Variants in PLCD1 observed in about 807,000 individuals in gnomAD.
PLCD1 encodes phospholipase C delta 1.
A neutral mutation model predicts 87.4 loss-of-function variants in PLCD1; 71 were observed. The ratio of observed to expected loss-of-function variants is 0.81; its 90% CI spans 0.67 to 0.99. The LOEUF (loss-of-function observed/expected upper bound fraction) is 0.99. Ranked by LOEUF, PLCD1 falls within the 50% of genes least tolerant of loss-of-function variation. The pLI is 0.00. For missense variants in PLCD1, 867 were observed against 1,001.5 expected, an observed-to-expected ratio of 0.87 and a Z score of 1.81; for synonymous variants, 348 against 399.2, an observed-to-expected ratio of 0.87 and a Z score of 1.53.
intron 3 of PLCD1, among the ~76,000 whole-genome samples, chr3:38,013,816 A>C (rs1700118262): frequency 6.6e-6 from 1 of 152,250 alleles, no homozygotes; most frequent in Admixed American, 6.5e-5. Context: ...AAAAGCTCAC[A>C]ATCAGGCAGA....
intron 2 of PLCD1, among the ~76,000 whole-genome samples, chr3:38,016,939 G>A (rs894528640): frequency 6.6e-6 from 1 of 152,162 alleles, no homozygotes; most frequent in African/African-American, 2.4e-5. Flanking sequence ...GGGGGAGACA[G>A]AGCATGAGAC....
At position 38,014,849 on chromosome 3, in the gene PLCD1, T is replaced by C. The variant is rs535999870; in HGVS notation, c.428+1642A>G. On this transcript the variant is annotated intron_variant, in intron 3 of 14. Coordinates refer to ENST00000334661, the MANE Select transcript of PLCD1 (RefSeq NM_006225.4). ...TAGATATTTCTCCAAAGAAGATATA[T>C]AAACGTACATGGAAAAATGCTCAAT... Among the ~76,000 whole-genome samples, 3 of 152,310 alleles carry C rather than the reference T, an allele frequency of 2.0e-5. No individual in the cohort carries two copies. The South Asian group carries it at 6.2e-4, about 32-fold the overall frequency.
Position 38,016,492 on chromosome 3 carries a change from G to A in PLCD1, c.427C>T (p.His143Tyr), listed in dbSNP as rs1427143997. The change falls in exon 3 of 15, where the codon CAC becomes TAC. Residue 143 changes from histidine to tyrosine, a missense_variant and splice_region_variant. Transcript: ENST00000334661. ...GSMDQRQKLQ[H>Y]WIHSCLRKAD... ...GACCCACTGCCACCAAAAGGATACT[G>A]CTGTAGCTTCTGACGCTGGTCCATG... The A allele has an allele frequency of 3.1e-6, 5 of 1,607,006 alleles. 1 individual carries two copies. In the South Asian group the frequency reaches 5.5e-5, roughly 18 times the overall value.
intron 3 of PLCD1, among the ~76,000 whole-genome samples, chr3:38,013,754 G>C (rs988759309): frequency 6.6e-6 from 1 of 152,182 alleles, no homozygotes; most frequent in African/African-American, 2.4e-5. Flanking sequence ...CAAGGTCAAG[G>C]CTCTGCCAAA....
rs989092140 is a variant in PLCD1, at chr3:38,025,855, A to C, written c.34+3651T>G. On this transcript the variant is annotated intron_variant, in intron 1 of 14. Coordinates refer to ENST00000334661, the MANE Select transcript of PLCD1 (RefSeq NM_006225.4). This position sits in a 1 kb window ranked among gnomAD's most constrained non-coding sequence, Gnocchi z 4.0. The stretch of plus-strand genomic sequence containing the variant: ...CTCTCAGCCTCTGAATAGTTCCCCC[A>C]GTTCGCTTCACTGCAGCTCCAGTCA... Among the ~76,000 whole-genome samples, 1 of 152,208 alleles carries C rather than the reference A, an allele frequency of 6.6e-6. No homozygotes were observed. Among genetic ancestry groups the C allele is most frequent in the Non-Finnish European group, 1.5e-5 (1 of 68,038 alleles).
rs1213730715 is a variant in PLCD1 at position 38,008,408 on chromosome 3, A to G, written c.1903-41T>C. The G allele has an allele frequency of 2.5e-6, 4 of 1,614,070 alleles. No individual in the cohort carries two copies. In the South Asian group the frequency reaches 3.3e-5, roughly 13 times the overall value. ...GGACAATGGACAGTTCAGGAGTGGT[A>G]GCGGGGAAGGGAGGTCCGTGGGCAC... On this transcript the variant is annotated intron_variant, in intron 12 of 14. Coordinates refer to ENST00000334661, the MANE Select transcript of PLCD1 (RefSeq NM_006225.4).
At chr3:38,012,794 C>T (rs376467015) in intron 3 of PLCD1, among the ~76,000 whole-genome samples, 43 of 151,578 alleles carry the variant, frequency 2.8e-4, no homozygotes, top group South Asian at 4.2e-4. Flanking sequence ...GGGGATTACA[C>T]GTGTGAGCCA....
chr3:38,020,132 C>T (rs1321496475), intron 2 of PLCD1, 56 bp downstream of exon 2: 19 of 1,490,398 alleles, frequency 1.3e-5, no homozygotes, highest in Non-Finnish European at 4.7e-6. Context: ...TGTATTTACC[C>T]AGCCCTGAGC....
intron 11 of PLCD1, 197 bp from the exon 12 acceptor site, chr3:38,008,833 C>A: frequency 3.0e-6 from 2 of 668,562 alleles, no homozygotes; most frequent in South Asian, 3.5e-5. Context: ...TGTGAGAATT[C>A]AAAGGACTAG....
intron 3 of PLCD1, among the ~76,000 whole-genome samples, chr3:38,014,302 C>T (rs1262018563): frequency 6.6e-6 from 1 of 151,418 alleles, no homozygotes; most frequent in Non-Finnish European, 1.5e-5. Context: ...ATTTAGAGAA[C>T]TCACATTTCC....
At position 38,010,531 on chromosome 3, in the gene PLCD1, G is replaced by A; in HGVS notation, c.822C>T (p.Gly274=). ...CAGCCGACAGTAAGTACATGAGGAAGCCGTCCTTGGTCATCTGCCGCTGCG... is the reference window on the plus strand; with the variant it reads ...CAGCCGACAGTAAGTACATGAGGAAACCGTCCTTGGTCATCTGCCGCTGCG... The part of the protein sequence containing the change: ...AKAQRQMTKD[G]FLMYLLSADG... Residue 274 remains glycine (G), a synonymous_variant, in exon 6 of 15, where the codon GGC becomes GGT. Coordinates refer to ENST00000334661, the MANE Select transcript of PLCD1 (RefSeq NM_006225.4). 2 of 1,614,080 alleles carry A rather than the reference G, an allele frequency of 1.2e-6. No individual in the cohort carries two copies. The highest frequency in any genetic ancestry group is 8.5e-7 in the Non-Finnish European group (1 of 1,179,976).
At chr3:38,022,359 C>T (rs566300635) in intron 1 of PLCD1, among the ~76,000 whole-genome samples, 3 of 152,318 alleles carry the variant, frequency 2.0e-5, no homozygotes, top group African/African-American at 4.8e-5. Context: ...GGGCCACCTC[C>T]GGCCTCCGGC....
rs1323118305 is a variant in PLCD1, at chr3:38,017,177, G to A, written c.200-458C>T. 6.6e-6 allele frequency among the ~76,000 whole-genome samples: 1 copy of A among 152,096 alleles called. No homozygotes were observed. Among genetic ancestry groups the A allele is most frequent in the Non-Finnish European group, 1.5e-5 (1 of 68,002 alleles). ...AGAAGGGCCATGCACCCTTCTGACT[G>A]TATTGGACTTTGGGTCTGTCCTGAC... is the stretch of plus-strand genomic sequence containing the variant. On this transcript the variant is annotated intron_variant, in intron 2 of 14. Coordinates refer to ENST00000334661, the MANE Select transcript of PLCD1 (RefSeq NM_006225.4). This position sits in a 1 kb window ranked among gnomAD's most constrained non-coding sequence, Gnocchi z 4.7.
chr3:38,028,761 A>G (rs1465006160), intron 1 of PLCD1, among the ~76,000 whole-genome samples: 1 of 152,098 alleles, frequency 6.6e-6, no homozygotes, highest in Non-Finnish European at 1.5e-5. Context: ...GAAGGCCTCC[A>G]GATCTGCCTT....
At chr3:38,020,953 T>C (rs892507649) in intron 1 of PLCD1, among the ~76,000 whole-genome samples, 1 of 152,218 alleles carries the variant, frequency 6.6e-6, no homozygotes, top group Non-Finnish European at 1.5e-5. Flanking sequence ...GACTTCATGC[T>C]GCTGGGCCTC....
At position 38,025,993 on chromosome 3, in the gene PLCD1, A is replaced by C. The variant is rs1420854495; in HGVS notation, c.34+3513T>G. Among the ~76,000 whole-genome samples the C allele has an allele frequency of 2.0e-5, 3 of 152,232 alleles. No individual in the cohort carries two copies. The highest frequency in any genetic ancestry group is 4.4e-5 in the Non-Finnish European group (3 of 68,036). On this transcript the variant is annotated intron_variant, in intron 1 of 14. Transcript: ENST00000334661. The surrounding 1 kb of genome is among the most constrained non-coding windows in gnomAD (Gnocchi z 4.0). Reference sequence around the variant, plus strand: ...CTTGCCTAAGGTCATATCAGAGAGAATAAATCATGAGCAAGGTGAGTAGAT... The same window carrying C: ...CTTGCCTAAGGTCATATCAGAGAGACTAAATCATGAGCAAGGTGAGTAGAT...
Position 38,017,750 on chromosome 3 carries a change from A to ACTCTGAGTG in PLCD1, c.200-1032_200-1031insCACTCAGAG. ...AGTCCACCTGTCCCTCCCTGTGCCCACCCACTCTGAGTGCCCAGGGGCCTC... is the reference window on the plus strand; with the variant it reads ...AGTCCACCTGTCCCTCCCTGTGCCCACTCTGAGTGCCCACTCTGAGTGCCCAGGGGCCTC... On this transcript the variant is annotated intron_variant, in intron 2 of 14. Coordinates refer to ENST00000334661, the MANE Select transcript of PLCD1 (RefSeq NM_006225.4). The surrounding 1 kb of genome is among the most constrained non-coding windows in gnomAD (Gnocchi z 4.7). 6.6e-6 allele frequency among the ~76,000 whole-genome samples: 1 copy of ACTCTGAGTG among 152,148 alleles called. No homozygotes were observed. The highest frequency in any genetic ancestry group is 3.4e-3 in the Middle Eastern group (1 of 294).
At chr3:38,009,593 C>A in intron 9 of PLCD1, 60 bp downstream of exon 9, 1 of 1,605,570 alleles carries the variant, frequency 6.2e-7, no homozygotes. Context: ...AGGCAGACCT[C>A]CCACGGGTGA....
chr3:38,009,016 C>T, intron 11 of PLCD1, 26 bp downstream of exon 11: 1 of 1,580,216 alleles, frequency 6.3e-7, no homozygotes, highest in Non-Finnish European at 8.7e-7. Flanking sequence ...TCCTCCAGGC[C>T]TCCTCCAGCC....
Sources: allele counts gnomAD v4.1 joint callset (sites outside exome capture counted in the v4.1 genomes callset), GRCh38; gene constraint gnomAD v4.1.1; non-coding constraint Gnocchi (gnomAD v3.1); transcripts MANE v1.5; gene names NCBI Gene and HGNC (gene_info 2026-07-23, HGNC 2026-07-21).